The following COL23A1 variants were observed in gnomAD, a reference collection of about 807,000 sequenced individuals.
COL23A1 encodes collagen type XXIII alpha 1 chain.
COL23A1 carries 97 observed loss-of-function variants against 99.3 expected under a neutral mutation model. That is an observed-to-expected ratio of 0.98 (90% CI 0.83 to 1.16). The LOEUF is 1.16. COL23A1 is among the 50% of genes most tolerant of loss of function. COL23A1 has a pLI of 0.00. For synonymous variants in COL23A1, 320 were observed against 308.2 expected (o/e 1.04, Z -0.40); for missense variants, 762 against 757.4 (o/e 1.01, Z -0.07).
intron 9 of COL23A1, among the ~76,000 whole-genome samples, 185 bp from the exon 10 acceptor site, chr5:178,262,437 T>G (rs1031861343): frequency 1.3e-5 from 2 of 152,188 alleles, no homozygotes; most frequent in East Asian, 3.9e-4. Context: ...GGGAAGCCAC[T>G]GGCCCGGTGT....
chr5:178,305,042 C>A (rs1292060971), intron 3 of COL23A1, among the ~76,000 whole-genome samples: 1 of 152,140 alleles, frequency 6.6e-6, no homozygotes, highest in Non-Finnish European at 1.5e-5. Flanking sequence ...TGTTCCTCAT[C>A]TCCTTCCAAA....
chr5:178,247,999 T>G (rs993282202), intron 20 of COL23A1, among the ~76,000 whole-genome samples, 168 bp from the exon 21 acceptor site: 14 of 152,170 alleles, frequency 9.2e-5, no homozygotes, highest in Non-Finnish European at 1.9e-4. Flanking sequence ...TGAGCCGAGG[T>G]TGTGCCACTG....
rs114601958 is a variant in COL23A1 at position 178,416,114 on chromosome 5, C to T, written c.362-109195G>A. Among the ~76,000 whole-genome samples, 1,158 of 152,292 alleles carry T rather than the reference C, an allele frequency of 7.6e-3. 10 individuals carry two copies. The highest frequency in any genetic ancestry group is 0.024 in the African/African-American group (984 of 41,560). ...CCATTCATTCATTCATTCATTCATT[C>T]GCTCGTTGACTACATACTGGTGACC... On this transcript the variant is annotated intron_variant, in intron 2 of 28. Transcript: ENST00000390654.
At chr5:178,358,103 GTGTGTA>G (rs905033183) in intron 2 of COL23A1, among the ~76,000 whole-genome samples, 26 of 149,160 alleles carry the variant, frequency 1.7e-4, no homozygotes, top group Admixed American at 2.7e-4. Context: ...GGTCTAATGT[GTGTGTA>G]TGTGTATGTG....
rs1226330044 is a variant in COL23A1 at position 178,589,079 on chromosome 5, G to C, written c.294+825C>G. On this transcript the variant is annotated intron_variant, in intron 1 of 28. Transcript: ENST00000390654. The surrounding 1 kb of genome is among the most constrained non-coding windows in gnomAD (Gnocchi z 5.4). ...GGCGGAGGCTTTGACCAACATGCTG[G>C]GTGAGGGCTTGGAGGACCCAAAGGT... Among the ~76,000 whole-genome samples the C allele has an allele frequency of 6.6e-6, 1 of 152,120 alleles. No individual in the cohort carries two copies. The highest frequency in any genetic ancestry group is 6.5e-5 in the Admixed American group (1 of 15,276).
chr5:178,357,800 GTGTGTGTA>G lies in COL23A1; in HGVS notation c.362-50889_362-50882del, dbSNP rs1458733925. ...TGTATGTGTATGTGTGTGTGTATGT[GTGTGTGTA>G]TGTGTGTATGTGTGTTTATGTGTAT... On this transcript the variant is annotated intron_variant, in intron 2 of 28. Transcript: ENST00000390654. Among the ~76,000 whole-genome samples the G allele has an allele frequency of 1.7e-3, 249 of 150,086 alleles. 1 individual carries two copies. Among genetic ancestry groups the G allele is most frequent in the East Asian group, 6.2e-3 (32 of 5,134 alleles).
chr5:178,472,334 A>G (rs546475249), intron 2 of COL23A1, among the ~76,000 whole-genome samples: 36 of 152,242 alleles, frequency 2.4e-4, no homozygotes, highest in African/African-American at 8.2e-4. Flanking sequence ...TTTTGTCCCA[A>G]TGGGGAGTCA....
chr5:178,483,409 C>T (rs569428117), intron 2 of COL23A1, among the ~76,000 whole-genome samples: 1 of 152,224 alleles, frequency 6.6e-6, no homozygotes, highest in African/African-American at 2.4e-5. Context: ...AACAAAAGAC[C>T]TCCGGGAATC....
chr5:178,511,497 T>C (rs569779268), intron 2 of COL23A1, among the ~76,000 whole-genome samples: 4 of 152,334 alleles, frequency 2.6e-5, no homozygotes, highest in Admixed American at 2.0e-4. Context: ...TGCATGCTTG[T>C]TAAAAGAAGG....
Position 178,255,541 on chromosome 5 carries a change from G to A in COL23A1, c.883-515C>T, listed in dbSNP as rs955086918. 6.6e-6 allele frequency among the ~76,000 whole-genome samples: 1 copy of A among 151,956 alleles called. No individual in the cohort carries two copies. Among genetic ancestry groups the A allele is most frequent in the South Asian group, 2.1e-4 (1 of 4,800 alleles). The stretch of plus-strand genomic sequence containing the variant: ...GCACACTCATTGTGCACACTCACAC[G>A]TGCACGCATGGCTGCTGGCCAGCCC... On this transcript the variant is annotated intron_variant, in intron 15 of 28. Coordinates refer to ENST00000390654, the MANE Select transcript of COL23A1 (RefSeq NM_173465.4). This position sits in a 1 kb window ranked among gnomAD's most constrained non-coding sequence, Gnocchi z 4.2.
At chr5:178,352,913 A>C in intron 2 of COL23A1, among the ~76,000 whole-genome samples, 1 of 152,358 alleles carries the variant, frequency 6.6e-6, no homozygotes, top group Admixed American at 6.5e-5. Context: ...CACTTGAGAA[A>C]AGAAGAGTTG....
intron 2 of COL23A1, among the ~76,000 whole-genome samples, chr5:178,533,099 G>A (rs949782936): frequency 6.6e-6 from 1 of 152,198 alleles, no homozygotes; most frequent in Admixed American, 6.5e-5. Context: ...CCCTACAGGG[G>A]ATTCTAAGGA....
intron 2 of COL23A1, among the ~76,000 whole-genome samples, chr5:178,454,712 T>C (rs534601820): frequency 3.9e-5 from 6 of 152,340 alleles, no homozygotes; most frequent in Non-Finnish European, 8.8e-5. Context: ...TCCTCACTCC[T>C]GTGCAACCAG....
intron 1 of COL23A1, among the ~76,000 whole-genome samples, chr5:178,567,975 A>G (rs951173118): frequency 6.6e-6 from 1 of 152,230 alleles, no homozygotes; most frequent in African/African-American, 2.4e-5. Flanking sequence ...TAACTTTATA[A>G]TGGAGAAATC....
At chr5:178,272,692 C>T (rs1324729749) in intron 5 of COL23A1, among the ~76,000 whole-genome samples, 2 of 152,160 alleles carry the variant, frequency 1.3e-5, no homozygotes, top group South Asian at 4.1e-4. Flanking sequence ...GGGGTCCACA[C>T]CCCCAGGCCT....
At chr5:178,457,168 G>T (rs1357944341) in intron 2 of COL23A1, among the ~76,000 whole-genome samples, 1 of 152,146 alleles carries the variant, frequency 6.6e-6, no homozygotes, top group Non-Finnish European at 1.5e-5. Context: ...CTAAAAGATT[G>T]AACAGAAATA....
rs148381436 is a variant in COL23A1 at position 178,342,021 on chromosome 5, G to A, written c.362-35102C>T. 1.4e-3 allele frequency among the ~76,000 whole-genome samples: 215 copies of A among 152,090 alleles called. 2 individuals carry two copies. The South Asian group carries it at 0.033, about 23-fold the overall frequency. ...CGGACCTGTGAAACCCTCATTTACCGCCTGTCTCCTCTAACCACAACGAAA... is the reference window on the plus strand; with the variant it reads ...CGGACCTGTGAAACCCTCATTTACCACCTGTCTCCTCTAACCACAACGAAA... On this transcript the variant is annotated intron_variant, in intron 2 of 28. Transcript: ENST00000390654.
chr5:178,538,275 C>T (rs1761095090), intron 2 of COL23A1, among the ~76,000 whole-genome samples: 1 of 152,220 alleles, frequency 6.6e-6, no homozygotes, highest in African/African-American at 2.4e-5. Flanking sequence ...CTTAACGCCT[C>T]TCTACCTAAC....
chr5:178,492,343 G>A (rs1432708713), intron 2 of COL23A1, among the ~76,000 whole-genome samples: 1 of 152,076 alleles, frequency 6.6e-6, no homozygotes, highest in African/African-American at 2.4e-5. Context: ...CGGGACCAGT[G>A]TCCTCCTGAG....
Sources: allele counts gnomAD v4.1 joint callset (sites outside exome capture counted in the v4.1 genomes callset), GRCh38; gene constraint gnomAD v4.1.1; non-coding constraint Gnocchi (gnomAD v3.1); transcripts MANE v1.5; gene names NCBI Gene and HGNC (gene_info 2026-07-23, HGNC 2026-07-21).